Variants in C22orf15 observed in about 807,000 individuals in gnomAD.
The protein encoded by C22orf15 is uncharacterized protein C22orf15.
A neutral mutation model predicts 20.3 loss-of-function variants in C22orf15; 21 were observed. The observed-to-expected ratio is 1.04, with a 90% confidence interval of 0.74 to 1.49. C22orf15 has a LOEUF of 1.49. Among genes scored for constraint, C22orf15 ranks in the 40% most tolerant of loss-of-function variants. C22orf15 has a pLI of 0.00. For missense variants in C22orf15, 170 were observed against 191.1 expected (o/e 0.89, Z 0.65); for synonymous variants, 78 against 75.4 (o/e 1.03, Z -0.18).
intron 5 of C22orf15, chr22:23,765,179 A>ACT: frequency 6.9e-7 from 1 of 1,439,028 alleles, no homozygotes; most frequent in Non-Finnish European, 9.1e-7. Context: ...GCTGGCACAC[A>ACT]GTAGGAGCTC....
In C22orf15 at chr22:23,765,736, G is replaced by A. The variant is rs1187193293; in HGVS notation, c.*4G>A. On this transcript the variant is annotated 3_prime_UTR_variant, in exon 6 of 6. Coordinates refer to ENST00000402217, the MANE Select transcript of C22orf15 (RefSeq NM_182520.3). Reference sequence around the variant, plus strand: ...CCCCACCCAGGGCCCTGATTAAGGGGATGGATTGCACACTGTAGTGAGACA... The same window carrying A: ...CCCCACCCAGGGCCCTGATTAAGGGAATGGATTGCACACTGTAGTGAGACA... 2 of 1,550,754 alleles carry A rather than the reference G, an allele frequency of 1.3e-6. No homozygotes were observed. Among genetic ancestry groups the A allele is most frequent in the Middle Eastern group, 1.7e-4 (1 of 5,954 alleles).
intron 5 of C22orf15, 58 bp from the exon 6 acceptor site, chr22:23,765,663 A>T: frequency 6.6e-7 from 1 of 1,526,060 alleles, no homozygotes; most frequent in South Asian, 1.3e-5. Flanking sequence ...CTGCCCAAGG[A>T]ATCTGTCCTG....
In C22orf15 at chr22:23,764,163, GC is replaced by G; in HGVS notation, c.107del (p.Pro36GlnfsTer14). The G allele has an allele frequency of 6.4e-7, 1 of 1,551,714 alleles. No homozygotes were observed. The highest frequency in any genetic ancestry group is 1.2e-5 in the South Asian group (1 of 84,066). Reference protein sequence around the residue: ...TAHLRQKAGLPPDATIALLAE... With the variant: ...TAHLRQKAGLXPDATIALLAE... ...CCCACCTGAGGCAGAAAGCAGGGTT[GC>G]CCCCAGATGGTGAGGAGACAGGGAG... On this transcript the variant is annotated frameshift_variant, in exon 2 of 6. Coordinates refer to ENST00000402217, the MANE Select transcript of C22orf15 (RefSeq NM_182520.3). LOFTEE classifies it high-confidence loss of function.
Position 23,763,091 on chromosome 22 carries a change from G to T in C22orf15, c.-216G>T. 1.7e-6 allele frequency: 1 copy of T among 594,334 alleles called. No individual in the cohort carries two copies. The highest frequency in any genetic ancestry group is 2.2e-5 in the South Asian group (1 of 45,402). The allele number at this position is 594,334 out of a possible 1,614,324, so 36.8% of individuals were successfully genotyped here. A position where few individuals can be genotyped will look rare whatever the true frequency, so the allele number is the denominator to read the frequency against. On this transcript the variant is annotated 5_prime_UTR_variant, in exon 1 of 6. Transcript: ENST00000402217. The stretch of plus-strand genomic sequence containing the variant: ...GAGGAAGAGGAGGCCAGGAGTCTTG[G>T]ACTAGCTGCAGGGTTTGAGCTAGGC...
intron 5 of C22orf15, 43 bp downstream of exon 5, chr22:23,764,945 G>A: frequency 6.3e-7 from 1 of 1,580,712 alleles, no homozygotes; most frequent in African/African-American, 1.3e-5. Context: ...GGGGCAGGGA[G>A]CCAGGTACAG....
chr22:23,764,644 G>T lies in C22orf15; in HGVS notation c.256G>T (p.Glu86Ter), dbSNP rs147550502. Residue 86 changes from glutamate (E) to a stop codon, truncating the protein, a stop_gained, in exon 4 of 6, where the codon GAG becomes TAG. Transcript: ENST00000402217. LOFTEE classifies it high-confidence loss of function. ...IYVLVRIIKGEDMASTRYESL... is the reference protein window; with the variant it reads ...IYVLVRIIKG Reference sequence around the variant, plus strand: ...CGTCTCTCCACATGTCACAGAGGGAGAGGACATGGCCTCCACCCGCTATGA... The same window carrying T: ...CGTCTCTCCACATGTCACAGAGGGATAGGACATGGCCTCCACCCGCTATGA... 1 of 1,614,180 alleles carries T rather than the reference G, an allele frequency of 6.2e-7. No individual in the cohort carries two copies. The highest frequency in any genetic ancestry group is 1.3e-5 in the African/African-American group (1 of 75,052).
Position 23,764,673 on chromosome 22 carries a change from C to T in C22orf15, c.285C>T (p.Ser95=). The change falls in exon 4 of 6, where the codon TCC becomes TCT. Residue 95 remains serine (S), a synonymous_variant. Coordinates refer to ENST00000402217, the MANE Select transcript of C22orf15 (RefSeq NM_182520.3). The stretch of plus-strand genomic sequence containing the variant: ...ACATGGCCTCCACCCGCTATGAGTC[C>T]CTATTGGAGAACCTGGATGACCATT... ...GEDMASTRYE[S]LLENLDDHYP... 1 of 1,614,144 alleles carries T rather than the reference C, an allele frequency of 6.2e-7. No homozygotes were observed. The highest frequency in any genetic ancestry group is 1.1e-5 in the South Asian group (1 of 91,076).
In C22orf15 at chr22:23,763,150, G is replaced by A. The variant is rs1465192115; in HGVS notation, c.-157G>A. 1.0e-6 allele frequency: 1 copy of A among 963,202 alleles called. No homozygotes were observed. The highest frequency in any genetic ancestry group is 1.6e-6 in the Non-Finnish European group (1 of 641,656). 59.7% of individuals were successfully genotyped at this position (963,202 alleles called of 1,614,324 possible). A position where few individuals can be genotyped will look rare whatever the true frequency, so the allele number is the denominator to read the frequency against. ...CAGAACCACAGAGGTGGCTGAGCAG[G>A]GGCCTGGCCCTGGGACCCAGCCATC... On this transcript the variant is annotated 5_prime_UTR_variant, in exon 1 of 6. Transcript: ENST00000402217.
At chr22:23,763,387 C>T (rs751721999) in intron 1 of C22orf15, 56 bp downstream of exon 1, 26 of 1,489,878 alleles carry the variant, frequency 1.7e-5, no homozygotes, top group Non-Finnish European at 2.2e-5. Flanking sequence ...CACTCAGAGG[C>T]GTGCTTCCTT....
chr22:23,764,527 C>A, intron 3 of C22orf15, 112 bp from the exon 4 acceptor site: 1 of 1,555,968 alleles, frequency 6.4e-7, no homozygotes, highest in South Asian at 1.1e-5. Context: ...CAATCCATCC[C>A]TACCCAATGC....
chr22:23,765,460 C>G (rs1926631037), intron 5 of C22orf15: 1 of 1,550,738 alleles, frequency 6.4e-7, no homozygotes, highest in Non-Finnish European at 8.7e-7. Context: ...GGGGCAAGGT[C>G]AGACAGGATT....
At position 23,763,150 on chromosome 22, in the gene C22orf15, G is replaced by C. The variant is rs1465192115; in HGVS notation, c.-157G>C. The C allele has an allele frequency of 1.0e-6, 1 of 963,202 alleles. No homozygotes were observed. Among genetic ancestry groups the C allele is most frequent in the Non-Finnish European group, 1.6e-6 (1 of 641,656 alleles). The allele number at this position is 963,202 out of a possible 1,614,324, so 59.7% of individuals were successfully genotyped here. ...CAGAACCACAGAGGTGGCTGAGCAG[G>C]GGCCTGGCCCTGGGACCCAGCCATC... On this transcript the variant is annotated 5_prime_UTR_variant, in exon 1 of 6. Transcript: ENST00000402217.
At position 23,764,612 on chromosome 22, in the gene C22orf15, CCTT is replaced by C. The variant is rs781298027; in HGVS notation, c.251-25_251-23del. ...AGGGACCATTAGGCCAGTCAGGTGT[CCTT>C]CATCGTCTCTCCACATGTCACAGAG... On this transcript the variant is annotated intron_variant, in intron 3 of 5. Coordinates refer to ENST00000402217, the MANE Select transcript of C22orf15 (RefSeq NM_182520.3). 4.8e-5 allele frequency: 78 copies of C among 1,612,242 alleles called. No homozygotes were observed. The East Asian group carries it at 6.0e-4, about 12-fold the overall frequency.
chr22:23,764,400 A>G lies in C22orf15; in HGVS notation c.250+3A>G. 2 of 1,566,368 alleles carry G rather than the reference A, an allele frequency of 1.3e-6. No individual in the cohort carries two copies. Among genetic ancestry groups the G allele is most frequent in the Non-Finnish European group, 1.7e-6 (2 of 1,155,426 alleles). On this transcript the variant is annotated splice_donor_region_variant and intron_variant, in intron 3 of 5. Transcript: ENST00000402217. Reference sequence around the variant, plus strand: ...ATATGTCCTCGTTCGGATCATCAGTAAGGTGGCCCAAGGTTCTCTCCCCTG... The same window carrying G: ...ATATGTCCTCGTTCGGATCATCAGTGAGGTGGCCCAAGGTTCTCTCCCCTG...
At chr22:23,764,020 A>G in intron 1 of C22orf15, 67 bp from the exon 2 acceptor site, 1 of 1,462,966 alleles carries the variant, frequency 6.8e-7, no homozygotes, top group Admixed American at 2.0e-5. Context: ...TGGGAGGGAG[A>G]GACAGAGGAC....
At chr22:23,765,543 G>A in intron 5 of C22orf15, 178 bp from the exon 6 acceptor site, 8 of 1,543,544 alleles carry the variant, frequency 5.2e-6, no homozygotes, top group Non-Finnish European at 7.0e-6. Flanking sequence ...AAGGGTAGAG[G>A]TGGCAGGTAT....
Sources: gnomAD v4.1 joint callset for allele counts on GRCh38, gnomAD v4.1.1 for gene constraint, MANE v1.5 for transcripts, NCBI Gene and HGNC (gene_info 2026-07-23, HGNC 2026-07-21) for gene names.